Variants in PPP5C observed in about 807,000 individuals in gnomAD.
PPP5C encodes the protein protein phosphatase 5 catalytic subunit.
PPP5C carries 21 observed loss-of-function variants against 66.7 expected under a neutral mutation model. The observed-to-expected ratio is 0.31, with a 90% CI of 0.22 to 0.45. The LOEUF is 0.45. Ranked by LOEUF, PPP5C falls within the 20% of genes least tolerant of loss-of-function variation. The pLI, the probability that PPP5C is intolerant of heterozygous loss-of-function variation, is 1.00. For missense variants in PPP5C, 464 were observed against 675.9 expected, an observed-to-expected ratio of 0.69 and a Z score of 3.48; for synonymous variants, 246 against 257.4, an observed-to-expected ratio of 0.96 and a Z score of 0.43.
chr19:46,377,563 A>T (rs181961048), intron 4 of PPP5C, among the ~76,000 whole-genome samples: 119 of 152,340 alleles, frequency 7.8e-4, no homozygotes, highest in Non-Finnish European at 1.3e-3. Context: ...GTCCTGTTAG[A>T]TGAGTTTTTA....
Position 46,383,448 on chromosome 19 carries a change from G to A in PPP5C, c.671G>A (p.Ser224Asn). ...GTCAAAGAGGTCCTCTCCAAGCTGA[G>A]CACGCTCGTGGAAACCACACTCAAA... ...VQVKEVLSKL[S>N]TLVETTLKET... The change falls in exon 5 of 13, where the codon AGC becomes AAC. Residue 224 changes from serine to asparagine, a missense_variant. Ser to Asn is a conservative substitution (Grantham distance 46). Transcript: ENST00000012443. The surrounding 1 kb of genome is among the most constrained non-coding windows in gnomAD (Gnocchi z 5.0). 6.2e-7 allele frequency: 1 copy of A among 1,610,762 alleles called. No individual in the cohort carries two copies. Among genetic ancestry groups the A allele is most frequent in the African/African-American group, 1.3e-5 (1 of 74,954 alleles).
chr19:46,385,540 G>T (rs1972867705), intron 7 of PPP5C, among the ~76,000 whole-genome samples: 1 of 152,212 alleles, frequency 6.6e-6, no homozygotes, highest in Non-Finnish European at 1.5e-5. Context: ...AGCATTTTGG[G>T]AGGCCAAGGC....
At chr19:46,384,398 G>A (rs938067186) in intron 6 of PPP5C, 23 of 256,774 alleles carry the variant, frequency 9.0e-5, no homozygotes, top group South Asian at 6.3e-4. Flanking sequence ...GTATCTGCTC[G>A]ATGAACGGCC....
At chr19:46,371,752 G>T (rs920845825) in intron 2 of PPP5C, among the ~76,000 whole-genome samples, 3 of 152,176 alleles carry the variant, frequency 2.0e-5, no homozygotes, top group Admixed American at 2.0e-4. Context: ...CAGGCTTCAG[G>T]CTGTCACTAG....
intron 2 of PPP5C, among the ~76,000 whole-genome samples, chr19:46,361,109 C>G (rs1972377063): frequency 6.7e-6 from 1 of 149,596 alleles, no homozygotes; most frequent in African/African-American, 2.5e-5. Flanking sequence ...GCAATTTACC[C>G]AAAAGATAAG....
chr19:46,377,918 T>C (rs1179576180), intron 4 of PPP5C, among the ~76,000 whole-genome samples: 1 of 152,246 alleles, frequency 6.6e-6, no homozygotes, highest in Non-Finnish European at 1.5e-5. Flanking sequence ...CTTTGTAGCT[T>C]TTATAAGTAT....
intron 6 of PPP5C, 91 bp from the exon 7 acceptor site, chr19:46,384,713 G>T (rs918150001): frequency 6.3e-6 from 6 of 953,522 alleles, no homozygotes; most frequent in Non-Finnish European, 1.0e-5. Flanking sequence ...GGCAGGAGCA[G>T]CCCATCTGGC....
intron 2 of PPP5C, among the ~76,000 whole-genome samples, chr19:46,374,473 C>T (rs1972655881): frequency 6.6e-6 from 1 of 152,162 alleles, no homozygotes; most frequent in African/African-American, 2.4e-5. Flanking sequence ...CAGGTGAAGT[C>T]ACTTGCCCAA....
intron 12 of PPP5C, 46 bp downstream of exon 12, chr19:46,390,178 G>C (rs1158646547): frequency 1.2e-6 from 2 of 1,610,686 alleles, no homozygotes; most frequent in East Asian, 2.2e-5. Flanking sequence ...CCGGCCTGGG[G>C]ACAAGGAGGC....
At position 46,356,602 on chromosome 19, in the gene PPP5C, A is replaced by G. The variant is rs185405167; in HGVS notation, c.363+2613A>G. Among the ~76,000 whole-genome samples, 19 of 152,324 alleles carry G rather than the reference A, an allele frequency of 1.2e-4. No homozygotes were observed. In the East Asian group the frequency reaches 3.3e-3, roughly 26 times the overall value. ...CTAGAGAGGAGATGTCCCTCCTCCA[A>G]GGTCACCCAGCAGGGAAGTGGCAGA... On this transcript the variant is annotated intron_variant, in intron 2 of 12. Coordinates refer to ENST00000012443, the MANE Select transcript of PPP5C (RefSeq NM_006247.4).
chr19:46,354,959 A>G (rs1373380399), intron 2 of PPP5C, among the ~76,000 whole-genome samples: 1 of 152,194 alleles, frequency 6.6e-6, no homozygotes, highest in Non-Finnish European at 1.5e-5. Flanking sequence ...GCGAGCACAC[A>G]CCTTCACACC....
chr19:46,358,834 G>C (rs996990367), intron 2 of PPP5C, among the ~76,000 whole-genome samples: 3 of 152,150 alleles, frequency 2.0e-5, no homozygotes, highest in Non-Finnish European at 4.4e-5. Flanking sequence ...GATGGCATCC[G>C]TGTATGGCAT....
At position 46,383,687 on chromosome 19, in the gene PPP5C, TCTA is replaced by T. The variant is rs1972834281; in HGVS notation, c.700-90_700-88del. The T allele has an allele frequency of 2.7e-6, 3 of 1,127,312 alleles. No homozygotes were observed. The highest frequency in any genetic ancestry group is 4.0e-6 in the Non-Finnish European group (3 of 758,432). 69.8% of individuals were successfully genotyped at this position (1,127,312 alleles called of 1,614,324 possible). On this transcript the variant is annotated intron_variant, in intron 5 of 12. Transcript: ENST00000012443. This position sits in a 1 kb window ranked among gnomAD's most constrained non-coding sequence, Gnocchi z 5.0. ...GTGTCTCTTGCATGATTCTTCTTGG[TCTA>T]CTGTGAACTCTTACCCTTCCCCTCA...
At chr19:46,347,410 G>A (rs1972101723) in intron 1 of PPP5C, among the ~76,000 whole-genome samples, 193 bp downstream of exon 1, 1 of 152,148 alleles carries the variant, frequency 6.6e-6, no homozygotes, top group Non-Finnish European at 1.5e-5. Flanking sequence ...CCTAGGAGTG[G>A]CGTGCGGAGC....
chr19:46,374,731 T>C (rs1335191410), intron 2 of PPP5C, among the ~76,000 whole-genome samples: 1 of 151,782 alleles, frequency 6.6e-6, no homozygotes, highest in Admixed American at 6.6e-5. Context: ...CCACGTGGAG[T>C]TTCCTTTCAC....
At chr19:46,358,636 G>T (rs1972328049) in intron 2 of PPP5C, among the ~76,000 whole-genome samples, 1 of 152,158 alleles carries the variant, frequency 6.6e-6, no homozygotes, top group African/African-American at 2.4e-5. Context: ...CAAGGTTGAG[G>T]ACCAGCCTGG....
chr19:46,378,295 A>G (rs1972731624), intron 4 of PPP5C, among the ~76,000 whole-genome samples: 2 of 152,266 alleles, frequency 1.3e-5, no homozygotes, highest in Admixed American at 6.5e-5. Context: ...ACTCCCAAAT[A>G]TTTGGGGACT....
intron 2 of PPP5C, among the ~76,000 whole-genome samples, chr19:46,357,378 C>A (rs530259995): frequency 5.9e-5 from 9 of 152,204 alleles, no homozygotes; most frequent in Admixed American, 4.6e-4. Context: ...TCTCAGTCAA[C>A]AGTTACACAG....
chr19:46,384,763 CCTT>C, intron 6 of PPP5C, 38 bp from the exon 7 acceptor site: 1 of 1,194,506 alleles, frequency 8.4e-7, no homozygotes, highest in Non-Finnish European at 1.3e-6. Flanking sequence ...CGCACCGCAC[CCTT>C]CCCCTCCACG....
Sources: allele counts gnomAD v4.1 joint callset (sites outside exome capture counted in the v4.1 genomes callset), GRCh38; gene constraint gnomAD v4.1.1; non-coding constraint Gnocchi (gnomAD v3.1); transcripts MANE v1.5; gene names NCBI Gene and HGNC (gene_info 2026-07-23, HGNC 2026-07-21).